Variants in SOX6 observed in about 807,000 individuals in gnomAD.
The protein encoded by SOX6 is transcription factor SOX-6.
Under a neutral mutation model 97.8 loss-of-function variants are expected in SOX6, and 11 were observed. The ratio of observed to expected loss-of-function variants is 0.11; its 90% CI spans 0.07 to 0.19. SOX6 has a LOEUF of 0.19. SOX6 is among the 10% of genes least tolerant of loss of function. SOX6 has a pLI of 1.00. For missense variants in SOX6, 810 were observed against 1,039.5 expected, an observed-to-expected ratio of 0.78 and a Z score of 3.04; for synonymous variants, 360 against 371.4, an observed-to-expected ratio of 0.97 and a Z score of 0.35.
At chr11:16,735,200 G>C (rs568094055) in intron 2 of SOX6, among the ~76,000 whole-genome samples, 41 of 152,126 alleles carry the variant, frequency 2.7e-4, no homozygotes, top group Non-Finnish European at 5.6e-4. Flanking sequence ...CATATAGTGA[G>C]AGAGTTAAAC....
At chr11:16,128,038 C>T (rs562226268) in intron 6 of SOX6, among the ~76,000 whole-genome samples, 125 of 152,268 alleles carry the variant, frequency 8.2e-4, no homozygotes, top group African/African-American at 3.0e-3. Flanking sequence ...AGATGTGGTG[C>T]TTTAATGTCC....
chr11:16,594,683 G>GTTTTTTT (rs1565188995), intron 4 of SOX6, among the ~76,000 whole-genome samples: 20 of 47,800 alleles, frequency 4.2e-4, no homozygotes, highest in African/African-American at 1.5e-3. Context: ...TTCGGTTTTT[G>GTTTTTTT]CTTTTTTTTT....
intron 12 of SOX6, among the ~76,000 whole-genome samples, chr11:16,027,759 G>A (rs1855251844): frequency 6.6e-6 from 1 of 152,210 alleles, no homozygotes; most frequent in Non-Finnish European, 1.5e-5. Flanking sequence ...ATATGAGAGA[G>A]GGGCACGTGT....
intron 15 of SOX6, among the ~76,000 whole-genome samples, chr11:15,977,718 T>C (rs1853530398): frequency 6.6e-6 from 1 of 152,096 alleles, no homozygotes; most frequent in Admixed American, 6.6e-5. Context: ...AAATTTACAA[T>C]GCTGTACTTC....
intron 4 of SOX6, among the ~76,000 whole-genome samples, chr11:16,204,422 G>C (rs1852018965): frequency 6.6e-6 from 1 of 152,052 alleles, no homozygotes; most frequent in Non-Finnish European, 1.5e-5. Flanking sequence ...GGACATGTGG[G>C]GGTGTGGTGT....
chr11:16,597,340 G>A (rs202127876), intron 4 of SOX6, among the ~76,000 whole-genome samples: 39 of 143,210 alleles, frequency 2.7e-4, no homozygotes, highest in African/African-American at 9.7e-4. Context: ...ATGTGTGTGT[G>A]TATATATATA....
At chr11:16,414,883 T>C (rs903910737) in intron 1 of SOX6, among the ~76,000 whole-genome samples, 1 of 152,148 alleles carries the variant, frequency 6.6e-6, no homozygotes, top group African/African-American at 2.4e-5. Flanking sequence ...GAGGATAATA[T>C]AAATATAAGC....
chr11:16,513,863 G>C (rs554385487), intron 4 of SOX6, among the ~76,000 whole-genome samples: 56 of 152,186 alleles, frequency 3.7e-4, no homozygotes, highest in African/African-American at 1.3e-3. Context: ...ATCCAATTGA[G>C]TTTTACATTC....
intron 3 of SOX6, 42 bp from the exon 4 acceptor site, chr11:16,234,713 T>A: frequency 8.5e-7 from 1 of 1,174,958 alleles, no homozygotes; most frequent in South Asian, 1.6e-5. Context: ...ATATATTTAT[T>A]ACAAATTTAG....
chr11:16,729,541 T>C (rs1212368636), intron 2 of SOX6, among the ~76,000 whole-genome samples: 1 of 152,182 alleles, frequency 6.6e-6, no homozygotes, highest in Non-Finnish European at 1.5e-5. Flanking sequence ...AGAGATTTTG[T>C]CACCACCAGG....
intron 3 of SOX6, among the ~76,000 whole-genome samples, chr11:16,704,304 CA>C (rs1848115565): frequency 6.6e-6 from 1 of 152,060 alleles, no homozygotes; most frequent in Non-Finnish European, 1.5e-5. Flanking sequence ...ACAAATAAGA[CA>C]AGTTCCCTAT....
intron 9 of SOX6, among the ~76,000 whole-genome samples, chr11:16,069,316 A>G (rs1326268507): frequency 6.6e-6 from 1 of 152,204 alleles, no homozygotes; most frequent in Admixed American, 6.5e-5. Flanking sequence ...GTAGAATGAA[A>G]TCTAGAACCC....
intron 2 of SOX6, among the ~76,000 whole-genome samples, chr11:16,720,726 GA>G (rs1310067428): frequency 4.0e-5 from 6 of 148,480 alleles, no homozygotes; most frequent in Admixed American, 1.3e-4. Flanking sequence ...CACACAAAAA[GA>G]AAAAAAAAGA....
chr11:16,249,851 T>C (rs1017587437), intron 3 of SOX6, among the ~76,000 whole-genome samples: 2 of 152,180 alleles, frequency 1.3e-5, no homozygotes, highest in East Asian at 1.9e-4. Flanking sequence ...AGTGTTCTCA[T>C]TGTTTATATT....
chr11:16,649,061 C>T (rs372347369), intron 3 of SOX6, among the ~76,000 whole-genome samples: 15 of 151,346 alleles, frequency 9.9e-5, no homozygotes, highest in South Asian at 4.2e-4. Context: ...CCCAATCAGA[C>T]GGAGACAAAG....
intron 1 of SOX6, among the ~76,000 whole-genome samples, chr11:16,432,114 C>T (rs535759983): frequency 6.6e-6 from 1 of 152,180 alleles, no homozygotes; most frequent in African/African-American, 2.4e-5. Flanking sequence ...TCTCAGATCA[C>T]CTCTTTCACT....
At chr11:16,118,685 A>T (rs1012997781) in intron 6 of SOX6, among the ~76,000 whole-genome samples, 3 of 152,220 alleles carry the variant, frequency 2.0e-5, no homozygotes, top group Non-Finnish European at 2.9e-5. Flanking sequence ...CTTGGCAGAG[A>T]CCTGGCTATG....
chr11:16,517,375 G>A (rs1219580215), intron 4 of SOX6, among the ~76,000 whole-genome samples: 1 of 151,936 alleles, frequency 6.6e-6, no homozygotes, highest in Non-Finnish European at 1.5e-5. Context: ...ATTAGGAAAA[G>A]AGGAAGTCAA....
At chr11:15,987,633 G>T (rs1853898655) in intron 14 of SOX6, among the ~76,000 whole-genome samples, 1 of 148,002 alleles carries the variant, frequency 6.8e-6, no homozygotes, top group Non-Finnish European at 1.5e-5. Context: ...TAAAAGGGCA[G>T]AAAAATATGA....
Sources: allele counts gnomAD v4.1 joint callset (sites outside exome capture counted in the v4.1 genomes callset), GRCh38; gene constraint gnomAD v4.1.1; transcripts MANE v1.5; gene names NCBI Gene and HGNC (gene_info 2026-07-23, HGNC 2026-07-21).